The following OPHN1 variants were observed in gnomAD, a reference collection of about 807,000 sequenced individuals.
The protein encoded by OPHN1 is oligophrenin 1.
A neutral mutation model predicts 60.7 loss-of-function variants in OPHN1; 11 were observed. The ratio of observed to expected loss-of-function variants is 0.18; its 90% confidence interval spans 0.11 to 0.30. OPHN1 has a LOEUF of 0.30. Among genes scored for constraint, OPHN1 ranks in the 10% least tolerant of loss-of-function variants. The pLI is 1.00. For synonymous variants in OPHN1, 226 were observed against 222.6 expected (o/e 1.02, Z -0.14); for missense variants, 449 against 611.0 (o/e 0.73, Z 2.80).
At chrX:68,125,175 C>T (rs992548059) in intron 15 of OPHN1, among the ~76,000 whole-genome samples, 3 of 111,096 alleles carry the variant, frequency 2.7e-5, no homozygotes, top group Non-Finnish European at 5.7e-5. Context: ...TATACTAAAA[C>T]GTATGGGATA....
At chrX:68,358,941 TCTGA>T (rs1217986101) in intron 2 of OPHN1, among the ~76,000 whole-genome samples, 1 of 112,118 alleles carries the variant, frequency 8.9e-6, no homozygotes, top group East Asian at 2.8e-4. Context: ...ATGCTAGTGT[TCTGA>T]CTACCAGTTC....
intron 2 of OPHN1, among the ~76,000 whole-genome samples, chrX:68,393,837 C>G (rs2078666176): frequency 1.1e-5 from 1 of 95,066 alleles, no homozygotes; most frequent in African/African-American, 3.8e-5. Flanking sequence ...GGTATGGATA[C>G]TAATCTCTTT....
At chrX:68,193,994 G>A in intron 13 of OPHN1, 42 bp from the exon 14 acceptor site, 1 of 1,064,949 alleles carries the variant, frequency 9.4e-7, no homozygotes, top group Admixed American at 2.2e-5. Flanking sequence ...TGCTGCAACA[G>A]GTGTCACCTA....
intron 19 of OPHN1, among the ~76,000 whole-genome samples, chrX:68,079,733 C>G (rs1006868012): frequency 8.9e-6 from 1 of 111,892 alleles, no homozygotes; most frequent in Non-Finnish European, 1.9e-5. Context: ...CTGGATATCC[C>G]AGAGGTATCT....
At chrX:68,378,859 G>C in intron 2 of OPHN1, among the ~76,000 whole-genome samples, 1 of 111,700 alleles carries the variant, frequency 9.0e-6, no homozygotes, top group South Asian at 3.7e-4. Flanking sequence ...CTTGAAATCA[G>C]GTAGCATGAT....
chrX:68,117,429 T>C (rs1355402778), intron 16 of OPHN1, among the ~76,000 whole-genome samples: 1 of 112,222 alleles, frequency 8.9e-6, no homozygotes, highest in Non-Finnish European at 1.9e-5. Flanking sequence ...CTTCTGACTG[T>C]CCCCTTTACT....
intron 19 of OPHN1, among the ~76,000 whole-genome samples, chrX:68,083,722 T>A (rs375660870): frequency 8.9e-6 from 1 of 112,363 alleles, no homozygotes; most frequent in Non-Finnish European, 1.9e-5. Context: ...GCTTTTGAGT[T>A]AACATGAGAG....
intron 2 of OPHN1, among the ~76,000 whole-genome samples, chrX:68,422,153 C>T (rs1261064102): frequency 9.0e-6 from 1 of 111,371 alleles, no homozygotes; most frequent in African/African-American, 3.3e-5. Context: ...AAACCTTCCA[C>T]TAATGCAATT....
chrX:68,339,850 G>A (rs1033886093), intron 2 of OPHN1, among the ~76,000 whole-genome samples: 1 of 111,546 alleles, frequency 9.0e-6, no homozygotes, highest in Non-Finnish European at 1.9e-5. Flanking sequence ...TGATCTGCCC[G>A]CCTCAGCCTC....
intron 16 of OPHN1, among the ~76,000 whole-genome samples, chrX:68,115,544 T>G (rs1410110612): frequency 1.8e-5 from 2 of 112,292 alleles, no homozygotes; most frequent in Non-Finnish European, 3.8e-5. Flanking sequence ...AGAAGGCTTG[T>G]TAACAACTTC....
chrX:68,311,950 C>T (rs1256568550), intron 2 of OPHN1, among the ~76,000 whole-genome samples: 1 of 111,142 alleles, frequency 9.0e-6, no homozygotes, highest in East Asian at 2.8e-4. Context: ...TTCTCCAGGA[C>T]AGACAACATG....
At chrX:68,356,064 C>T (rs891465178) in intron 2 of OPHN1, among the ~76,000 whole-genome samples, 3 of 109,328 alleles carry the variant, frequency 2.7e-5, no homozygotes, top group Admixed American at 9.9e-5. Context: ...AAAAAAAAAT[C>T]GCCAAATGTT....
At chrX:68,317,567 G>A (rs1009738292) in intron 2 of OPHN1, among the ~76,000 whole-genome samples, 6 of 77,483 alleles carry the variant, frequency 7.7e-5, no homozygotes, top group Non-Finnish European at 1.1e-4. Flanking sequence ...AAGAAAGAAA[G>A]AAAGAAAGAG....
chrX:68,282,170 A>C (rs748429565), intron 4 of OPHN1, among the ~76,000 whole-genome samples: 1 of 112,398 alleles, frequency 8.9e-6, no homozygotes, highest in African/African-American at 3.2e-5. Flanking sequence ...CAAAATAACC[A>C]AGATGTCCCT....
chrX:68,156,894 G>A (rs1017677660), intron 15 of OPHN1, among the ~76,000 whole-genome samples: 1 of 111,459 alleles, frequency 9.0e-6, no homozygotes, highest in East Asian at 2.8e-4. Flanking sequence ...TTGACAGCAA[G>A]TATAACCAAA....
chrX:68,111,889 T>C lies in OPHN1; in HGVS notation c.1491A>G (p.Arg497=). 1 of 1,206,401 alleles carries C rather than the reference T, an allele frequency of 8.3e-7. No homozygotes were observed. Among genetic ancestry groups the C allele is most frequent in the Admixed American group, 2.2e-5 (1 of 45,902 alleles). ...SLVYKLPEKN[R]EMLELLIRHL... ...GTCTTATCAGAAGTTCCAGCATCTC[T>C]CGGTTCTTTTCTGGTAGCTTATATA... is the stretch of plus-strand genomic sequence containing the variant. The change falls in exon 18 of 25, where the codon CGA becomes CGG. Residue 497 remains arginine (R), a synonymous_variant. Transcript: ENST00000355520.
At chrX:68,218,081 T>C (rs2077626034) in intron 6 of OPHN1, among the ~76,000 whole-genome samples, 1 of 81,597 alleles carries the variant, frequency 1.2e-5, no homozygotes, top group Non-Finnish European at 2.5e-5. Context: ...GAGAAGTGCT[T>C]AAAGGAGCTG....
At chrX:68,053,925 C>T in intron 21 of OPHN1, 115 bp from the exon 22 acceptor site, 1 of 703,837 alleles carries the variant, frequency 1.4e-6, no homozygotes, top group Non-Finnish European at 2.1e-6. Flanking sequence ...TCCATTTCTT[C>T]TTGGTGACTA....
At chrX:68,400,556 G>T (rs1289874662) in intron 2 of OPHN1, among the ~76,000 whole-genome samples, 1 of 110,426 alleles carries the variant, frequency 9.1e-6, no homozygotes, top group African/African-American at 3.3e-5. Flanking sequence ...GGGGAAAAGC[G>T]AAGGGGAAGC....
Sources: gnomAD v4.1 joint callset for allele counts (sites outside exome capture counted in the v4.1 genomes callset) on GRCh38, gnomAD v4.1.1 for gene constraint, MANE v1.5 for transcripts, NCBI Gene and HGNC (gene_info 2026-07-23, HGNC 2026-07-21) for gene names.